ZNF766: variants seen among roughly 807,000 people sequenced by gnomAD.
ZNF766 encodes zinc finger protein 766.
A neutral mutation model predicts 13.2 loss-of-function variants in ZNF766; 13 were observed. The ratio of observed to expected loss-of-function variants is 0.98; its 90% CI spans 0.64 to 1.56. The LOEUF (loss-of-function observed/expected upper bound fraction) is 1.56. ZNF766 is among the 40% of genes most tolerant of loss of function. ZNF766 has a pLI of 0.00. For missense variants in ZNF766, 521 were observed against 552.2 expected (o/e 0.94, Z 0.57); for synonymous variants, 178 against 187.6 (o/e 0.95, Z 0.42).
intron 1 of ZNF766, among the ~76,000 whole-genome samples, chr19:52,278,025 TAC>T (rs551686984): frequency 2.3e-4 from 35 of 149,254 alleles, no homozygotes; most frequent in Middle Eastern, 6.9e-3. Context: ...CAGGCTGGCA[TAC>T]AGTGGTGCAA....
chr19:52,280,910 C>T (rs867694975), intron 1 of ZNF766, among the ~76,000 whole-genome samples: 15 of 151,012 alleles, frequency 9.9e-5, no homozygotes, highest in Admixed American at 3.9e-4. Context: ...GTAATCCCAA[C>T]ACTTTGGGAG....
intron 1 of ZNF766, among the ~76,000 whole-genome samples, chr19:52,279,351 A>G (rs8100453): frequency 0.011 from 1,659 of 152,286 alleles, 25 homozygotes; most frequent in African/African-American, 0.038. Flanking sequence ...TGCCTTGGCT[A>G]TTTAGGCTCT....
chr19:52,283,451 T>C, intron 3 of ZNF766, 38 bp downstream of exon 3: 2 of 1,462,430 alleles, frequency 1.4e-6, no homozygotes, highest in Admixed American at 2.3e-5. Context: ...GCCACACTTT[T>C]TTTTTTTTTT....
chr19:52,285,288 G>A (rs1487998789), intron 3 of ZNF766, among the ~76,000 whole-genome samples: 1 of 152,156 alleles, frequency 6.6e-6, no homozygotes, highest in Non-Finnish European at 1.5e-5. Flanking sequence ...GACAGCAGCT[G>A]GGTGTCCTCC....
At chr19:52,275,447 A>G (rs543011807) in intron 1 of ZNF766, 13 of 152,296 alleles carry the variant, frequency 8.5e-5, no homozygotes, top group Admixed American at 2.6e-4. Flanking sequence ...AGCTTAGTTT[A>G]TTACGGAAGA....
intron 1 of ZNF766, among the ~76,000 whole-genome samples, chr19:52,271,697 C>T (rs1265831945): frequency 2.0e-5 from 3 of 152,306 alleles, no homozygotes; most frequent in African/African-American, 7.2e-5. Flanking sequence ...CGATGGCTCA[C>T]GCCTGTAATC....
chr19:52,294,232 G>A lies in ZNF766; in HGVS notation c.*3034G>A, dbSNP rs1158386364. 1.3e-5 allele frequency: 2 copies of A among 152,126 alleles called. No homozygotes were observed. The highest frequency in any genetic ancestry group is 2.4e-5 in the African/African-American group (1 of 41,402). The allele number at this position is 152,126 out of a possible 1,614,324, so 9.4% of individuals were successfully genotyped here. A position where few individuals can be genotyped will look rare whatever the true frequency, so the allele number is the denominator to read the frequency against. On this transcript the variant is annotated 3_prime_UTR_variant, in exon 4 of 4. Transcript: ENST00000439461. ...TGACATAATTTGAAAAAATATTAAT[G>A]TTCAGAAATGTTCTCTTGAGGATGA...
At chr19:52,283,857 C>T (rs1415963654) in intron 3 of ZNF766, among the ~76,000 whole-genome samples, 1 of 152,204 alleles carries the variant, frequency 6.6e-6, no homozygotes, top group Non-Finnish European at 1.5e-5. Context: ...CCTGCCTCAA[C>T]CTCCCAAGTA....
chr19:52,287,698 G>A (rs1016153009), intron 3 of ZNF766, among the ~76,000 whole-genome samples: 1 of 152,146 alleles, frequency 6.6e-6, no homozygotes, highest in African/African-American at 2.4e-5. Context: ...TCATTGTTAA[G>A]TCTTGGTAAG....
Position 52,274,412 on chromosome 19 carries a change from A to G in ZNF766, c.18+4781A>G, listed in dbSNP as rs111597683. 4.7e-3 allele frequency: 723 copies of G among 152,674 alleles called. 3 individuals carry two copies. Among genetic ancestry groups the G allele is most frequent in the Middle Eastern group, 0.014 (4 of 294 alleles). The allele number at this position is 152,674 out of a possible 1,614,324, so 9.5% of individuals were successfully genotyped here. ...CAGTCATGACATCATAGTGCAGTGCATTCCTTGTATTTGTGGTGATGCTGG... is the reference window on the plus strand; with the variant it reads ...CAGTCATGACATCATAGTGCAGTGCGTTCCTTGTATTTGTGGTGATGCTGG... On this transcript the variant is annotated intron_variant, in intron 1 of 3. Coordinates refer to ENST00000439461, the MANE Select transcript of ZNF766 (RefSeq NM_001010851.3).
At chr19:52,279,084 T>C (rs1568617959) in intron 1 of ZNF766, among the ~76,000 whole-genome samples, 1 of 152,206 alleles carries the variant, frequency 6.6e-6, no homozygotes, top group Admixed American at 6.5e-5. Context: ...GCTTCAATCT[T>C]CTGCATGTGG....
intron 1 of ZNF766, among the ~76,000 whole-genome samples, chr19:52,280,839 C>A (rs528734879): frequency 8.6e-5 from 13 of 150,854 alleles, no homozygotes; most frequent in Admixed American, 8.5e-4. Context: ...CTCGGCCTCC[C>A]AAAGTGCTGG....
chr19:52,269,758 T>A (rs1980889914), intron 1 of ZNF766, 127 bp downstream of exon 1: 2 of 1,272,356 alleles, frequency 1.6e-6, no homozygotes, highest in Non-Finnish European at 1.1e-6. Context: ...AGTAAATTCA[T>A]GCGTCCCGTC....
At chr19:52,275,534 C>G (rs1182175659) in intron 1 of ZNF766, 1 of 152,070 alleles carries the variant, frequency 6.6e-6, no homozygotes. Context: ...ACAGTCATGT[C>G]CTAGACCTTC....
chr19:52,289,250 A>G (rs1197977897), intron 3 of ZNF766, among the ~76,000 whole-genome samples: 7 of 146,910 alleles, frequency 4.8e-5, no homozygotes, highest in Non-Finnish European at 7.4e-5. Context: ...TGCCGGGTTC[A>G]AGCAGTTCTC....
intron 3 of ZNF766, chr19:52,285,141 G>A (rs1173823576): frequency 2.6e-5 from 4 of 152,118 alleles, no homozygotes; most frequent in Non-Finnish European, 5.9e-5. Flanking sequence ...ACACATTTTG[G>A]TATCTCAGGG....
At chr19:52,289,809 G>A (rs568915133) in intron 3 of ZNF766, among the ~76,000 whole-genome samples, 88 of 152,192 alleles carry the variant, frequency 5.8e-4, no homozygotes, top group Admixed American at 1.4e-3. Flanking sequence ...GACCATCCTG[G>A]CTAACACAGT....
chr19:52,284,067 G>A (rs1981686020), intron 3 of ZNF766, among the ~76,000 whole-genome samples: 1 of 152,124 alleles, frequency 6.6e-6, no homozygotes, highest in South Asian at 2.1e-4. Flanking sequence ...ATAGTTTTAT[G>A]TTTTTGCCCT....
intron 1 of ZNF766, among the ~76,000 whole-genome samples, chr19:52,277,955 C>G (rs1981293681): frequency 6.7e-6 from 1 of 149,452 alleles, no homozygotes; most frequent in African/African-American, 2.5e-5. Flanking sequence ...AATAAAAATT[C>G]AGGAAATCTT....
Sources: allele counts gnomAD v4.1 joint callset (sites outside exome capture counted in the v4.1 genomes callset), GRCh38; gene constraint gnomAD v4.1.1; transcripts MANE v1.5; gene names NCBI Gene and HGNC (gene_info 2026-07-23, HGNC 2026-07-21).